Variants in TIMP3 observed in about 807,000 individuals in gnomAD.
TIMP3 encodes the protein TIMP metallopeptidase inhibitor 3, also known as metalloproteinase inhibitor 3.
Under a neutral mutation model 30.0 loss-of-function variants are expected in TIMP3, and 11 were observed. That is an observed-to-expected ratio of 0.37 (90% CI 0.23 to 0.61). TIMP3 has a LOEUF of 0.61. TIMP3 is among the 20% of genes least tolerant of loss of function. The probability of loss-of-function intolerance (pLI) is 0.70; values close to 1 mark genes in which losing one functional copy is unlikely to be tolerated. For synonymous variants in TIMP3, 112 were observed against 111.3 expected (o/e 1.01, Z -0.04); for missense variants, 181 against 276.8 (o/e 0.65, Z 2.45).
chr22:32,849,944 A>C (rs567973026), intron 2 of TIMP3, among the ~76,000 whole-genome samples: 1 of 151,988 alleles, frequency 6.6e-6, no homozygotes, highest in South Asian at 2.1e-4. Flanking sequence ...TCTGGGACTC[A>C]ACAGTGCTTA....
intron 3 of TIMP3, among the ~76,000 whole-genome samples, chr22:32,857,740 G>C (rs1404631409): frequency 1.3e-5 from 2 of 152,208 alleles, no homozygotes; most frequent in African/African-American, 4.8e-5. Flanking sequence ...TCATTATAAA[G>C]GGAGTGAAGA....
intron 1 of TIMP3, among the ~76,000 whole-genome samples, chr22:32,814,339 G>GAAAGAAAGGAAGAAAGGA (rs369652077): frequency 2.9e-4 from 3 of 10,350 alleles, no homozygotes; most frequent in Admixed American, 1.4e-3. Context: ...AAGAAAGAAA[G>GAAAGAAAGGAAGAAAGGA]AGAAAGAAAG....
intron 1 of TIMP3, among the ~76,000 whole-genome samples, chr22:32,826,017 T>G (rs2047401170): frequency 6.6e-6 from 1 of 152,252 alleles, no homozygotes; most frequent in African/African-American, 2.4e-5. Flanking sequence ...AAAGCATAGT[T>G]ATAACTGGAC....
intron 1 of TIMP3, among the ~76,000 whole-genome samples, chr22:32,832,955 A>G (rs185292510): frequency 5.6e-4 from 85 of 151,748 alleles, no homozygotes; most frequent in Non-Finnish European, 1.9e-4. Context: ...CTGGTCTCGC[A>G]CTCCTGAGCT....
chr22:32,824,987 C>A (rs2047359127), intron 1 of TIMP3, among the ~76,000 whole-genome samples: 1 of 152,150 alleles, frequency 6.6e-6, no homozygotes, highest in Non-Finnish European at 1.5e-5. Flanking sequence ...TCTTCCTGGC[C>A]CCGCCTGTCT....
chr22:32,861,396 G>GAAA lies in TIMP3; in HGVS notation c.*2019_*2020insAAA, dbSNP rs2048534579. The GAAA allele has an allele frequency of 6.6e-6, 1 of 152,174 alleles. No individual in the cohort carries two copies. The highest frequency in any genetic ancestry group is 2.4e-5 in the African/African-American group (1 of 41,412). 9.4% of individuals were successfully genotyped at this position (152,174 alleles called of 1,614,324 possible). ...TCTTTGTGAGGCAGTGTGAGCAGAA[G>GAAA]CTGATGCCAGCATGTCACTGGTTTT... On this transcript the variant is annotated 3_prime_UTR_variant, in exon 5 of 5. Coordinates refer to ENST00000266085, the MANE Select transcript of TIMP3 (RefSeq NM_000362.5).
chr22:32,807,355 A>AATATATAAATATATAAT (rs1555968073), intron 1 of TIMP3, among the ~76,000 whole-genome samples: 1 of 19,912 alleles, frequency 5.0e-5, no homozygotes, highest in African/African-American at 1.5e-4. Flanking sequence ...ATAAATATAT[A>AATATATAAATATATAAT]ATATATAATA....
intron 1 of TIMP3, among the ~76,000 whole-genome samples, chr22:32,840,995 G>A (rs957523363): frequency 6.6e-6 from 1 of 152,190 alleles, no homozygotes; most frequent in Non-Finnish European, 1.5e-5. Flanking sequence ...CCTGTGAACC[G>A]AGAATTGCTG....
chr22:32,839,844 A>G (rs550944686), intron 1 of TIMP3, among the ~76,000 whole-genome samples: 1 of 152,230 alleles, frequency 6.6e-6, no homozygotes, highest in South Asian at 2.1e-4. Context: ...TGACCTTCCT[A>G]AGCCTGTGTT....
In TIMP3 at chr22:32,838,168, C is replaced by T. The variant is rs1191576202; in HGVS notation, c.122-11284C>T. 2.0e-5 allele frequency among the ~76,000 whole-genome samples: 3 copies of T among 152,190 alleles called. No individual in the cohort carries two copies. The East Asian group carries it at 5.8e-4, about 29-fold the overall frequency. On this transcript the variant is annotated intron_variant, in intron 1 of 4. Transcript: ENST00000266085. ...ATTACTGAATCCCCAAGACATGGCA[C>T]AGGATCTGAGATGCATAGTTCCTCA...
intron 1 of TIMP3, among the ~76,000 whole-genome samples, chr22:32,820,242 C>G (rs950054821): frequency 2.0e-5 from 3 of 148,890 alleles, no homozygotes; most frequent in Non-Finnish European, 3.0e-5. Flanking sequence ...CCTTTCTCCC[C>G]TGTGTGTGTG....
At chr22:32,854,792 C>G (rs1238701028) in intron 2 of TIMP3, among the ~76,000 whole-genome samples, 1 of 152,130 alleles carries the variant, frequency 6.6e-6, no homozygotes, top group Admixed American at 6.5e-5. Context: ...GTTGGCAAGC[C>G]TTGGGGGAGA....
At chr22:32,817,905 C>G (rs2047130019) in intron 1 of TIMP3, among the ~76,000 whole-genome samples, 1 of 152,168 alleles carries the variant, frequency 6.6e-6, no homozygotes, top group Non-Finnish European at 1.5e-5. Context: ...CCAGATCTCT[C>G]CCCTCTCTGT....
chr22:32,802,987 C>T (rs2046630492), intron 1 of TIMP3, among the ~76,000 whole-genome samples: 1 of 152,164 alleles, frequency 6.6e-6, no homozygotes, highest in Non-Finnish European at 1.5e-5. Flanking sequence ...AGACCTCCTA[C>T]TCCTTAGTGT....
In TIMP3 at chr22:32,803,909, C is replaced by T. The variant is rs7284166; in HGVS notation, c.121+1787C>T. 5.4e-3 allele frequency among the ~76,000 whole-genome samples: 819 copies of T among 152,214 alleles called. 9 individuals carry two copies. Among genetic ancestry groups the T allele is most frequent in the African/African-American group, 0.019 (791 of 41,522 alleles). Reference sequence around the variant, plus strand: ...CTTGCCCTTTGCTTTGGGGTTTCTACCCTAAAAATTGACCACGGAAAAGTG... The same window carrying T: ...CTTGCCCTTTGCTTTGGGGTTTCTATCCTAAAAATTGACCACGGAAAAGTG... On this transcript the variant is annotated intron_variant, in intron 1 of 4. Transcript: ENST00000266085.
At chr22:32,830,306 A>G (rs974303603) in intron 1 of TIMP3, among the ~76,000 whole-genome samples, 1 of 152,194 alleles carries the variant, frequency 6.6e-6, no homozygotes, top group Non-Finnish European at 1.5e-5. Context: ...AAGTACCTCA[A>G]GGGGAGTATC....
At chr22:32,820,686 A>G in intron 1 of TIMP3, among the ~76,000 whole-genome samples, 1 of 152,138 alleles carries the variant, frequency 6.6e-6, no homozygotes, top group East Asian at 1.9e-4. Flanking sequence ...GATTACCCCC[A>G]GGCACCAAGG....
At chr22:32,849,846 C>T (rs146920854) in intron 2 of TIMP3, among the ~76,000 whole-genome samples, 69 of 152,268 alleles carry the variant, frequency 4.5e-4, no homozygotes, top group Non-Finnish European at 8.1e-4. Flanking sequence ...GGTCAAGTCA[C>T]TGCCCCTCTC....
intron 1 of TIMP3, among the ~76,000 whole-genome samples, chr22:32,814,339 G>GAAAGAAAGGAAGAAAGGAAGAA (rs369652077): frequency 9.7e-5 from 1 of 10,360 alleles, no homozygotes; most frequent in African/African-American, 2.0e-4. Flanking sequence ...AAGAAAGAAA[G>GAAAGAAAGGAAGAAAGGAAGAA]AGAAAGAAAG....
Sources: allele counts gnomAD v4.1 joint callset (sites outside exome capture counted in the v4.1 genomes callset), GRCh38; gene constraint gnomAD v4.1.1; transcripts MANE v1.5; gene names NCBI Gene and HGNC (gene_info 2026-07-23, HGNC 2026-07-21).